ANKFN1: variants seen among roughly 807,000 people sequenced by gnomAD.
ANKFN1 encodes the protein ankyrin repeat and fibronectin type-III domain-containing protein 1.
ANKFN1 carries 74 observed loss-of-function variants against 108.7 expected under a neutral mutation model. That is an observed-to-expected ratio of 0.68 (90% CI 0.56 to 0.83). The LOEUF (loss-of-function observed/expected upper bound fraction) is 0.83, where lower values mean the gene tolerates loss of function less well. Among genes scored for constraint, ANKFN1 ranks in the 40% least tolerant of loss-of-function variants. The pLI is 0.00. For missense variants in ANKFN1, 1,505 were observed against 1,382.3 expected (o/e 1.09, Z -1.41); for synonymous variants, 547 against 516.2 (o/e 1.06, Z -0.81).
chr17:56,072,826 GGT>G (rs1905135870), intron 4 of ANKFN1, among the ~76,000 whole-genome samples: 1 of 152,050 alleles, frequency 6.6e-6, no homozygotes, highest in Admixed American at 6.6e-5. Context: ...GAGAGGAGAA[GGT>G]GGGGAAAGGG....
At chr17:56,395,856 AAAAC>A (rs1319252107) in intron 8 of ANKFN1, among the ~76,000 whole-genome samples, 4 of 152,114 alleles carry the variant, frequency 2.6e-5, no homozygotes, top group African/African-American at 9.7e-5. Context: ...TCAAAAAAGA[AAAAC>A]AAAGGTGGGG....
At chr17:56,194,823 C>G (rs1020900511) in intron 1 of ANKFN1, among the ~76,000 whole-genome samples, 1 of 152,168 alleles carries the variant, frequency 6.6e-6, no homozygotes, top group Admixed American at 6.5e-5. Context: ...GGTGTGTGGG[C>G]AGAGGATATT....
At chr17:56,319,088 G>C (rs946712510) in intron 3 of ANKFN1, among the ~76,000 whole-genome samples, 2 of 152,118 alleles carry the variant, frequency 1.3e-5, no homozygotes, top group Non-Finnish European at 2.9e-5. Context: ...ATAGACAAAG[G>C]AGGAAGAAGA....
intron 4 of ANKFN1, among the ~76,000 whole-genome samples, chr17:56,089,874 T>C (rs373093962): frequency 6.6e-6 from 1 of 151,310 alleles, no homozygotes; most frequent in African/African-American, 2.4e-5. Flanking sequence ...ATGTGCATGA[T>C]AATAACCTTG....
chr17:56,338,666 G>A (rs951546484), intron 4 of ANKFN1, among the ~76,000 whole-genome samples: 1 of 151,706 alleles, frequency 6.6e-6, no homozygotes, highest in Non-Finnish European at 1.5e-5. Context: ...TCAGTTTAAA[G>A]TTGCAAAGAG....
At chr17:56,108,021 C>A (rs11869942) in intron 4 of ANKFN1, among the ~76,000 whole-genome samples, 81,589 of 151,424 alleles carry the variant, frequency 0.54, 22,247 homozygotes, top group East Asian at 0.81. Context: ...GCCACCACAC[C>A]TGGCTAATTT....
intron 10 of ANKFN1, among the ~76,000 whole-genome samples, chr17:56,446,721 T>G (rs956984873): frequency 1.3e-5 from 2 of 151,848 alleles, no homozygotes; most frequent in African/African-American, 4.8e-5. Flanking sequence ...CTGGCCAACA[T>G]GGTGAAACCC....
At chr17:56,094,664 C>T (rs1423242714) in intron 4 of ANKFN1, among the ~76,000 whole-genome samples, 1 of 132,308 alleles carries the variant, frequency 7.6e-6, no homozygotes, top group African/African-American at 2.7e-5. Flanking sequence ...CCACCACGCC[C>T]AGCTAATTGG....
chr17:56,077,342 A>G (rs1905192832), intron 4 of ANKFN1, among the ~76,000 whole-genome samples: 1 of 152,208 alleles, frequency 6.6e-6, no homozygotes, highest in Non-Finnish European at 1.5e-5. Flanking sequence ...CTTGGGTTGC[A>G]GGGCTAGGAT....
At chr17:56,193,377 A>T (rs971040309) in intron 1 of ANKFN1, among the ~76,000 whole-genome samples, 3 of 151,008 alleles carry the variant, frequency 2.0e-5, no homozygotes, top group African/African-American at 7.3e-5. Context: ...CAATGTGCAC[A>T]TGTACCCTAA....
At chr17:56,420,567 A>T (rs1289025742) in intron 8 of ANKFN1, among the ~76,000 whole-genome samples, 1 of 152,162 alleles carries the variant, frequency 6.6e-6, no homozygotes, top group Non-Finnish European at 1.5e-5. Flanking sequence ...CCCTGGATAC[A>T]TCAATAGGAA....
intron 20 of ANKFN1, among the ~76,000 whole-genome samples, chr17:56,501,179 A>T (rs2051355880): frequency 6.6e-6 from 1 of 152,220 alleles, no homozygotes; most frequent in Non-Finnish European, 1.5e-5. Flanking sequence ...CACACAGTGA[A>T]CAAAAGGGCG....
chr17:56,380,432 C>T lies in ANKFN1; in HGVS notation c.910+5718C>T, dbSNP rs1055159190. ...TCACTAGGGAGTGCCAGACAGTGGG[C>T]GCAGGACAGTGGGTGCAGTGCACCG... On this transcript the variant is annotated intron_variant, in intron 8 of 20. Coordinates refer to ENST00000682825, the MANE Select transcript of ANKFN1 (RefSeq NM_001370326.1). Among the ~76,000 whole-genome samples, 24 of 152,242 alleles carry T rather than the reference C, an allele frequency of 1.6e-4. 1 individual carries two copies. The highest frequency in any genetic ancestry group is 3.9e-4 in the Admixed American group (6 of 15,296).
chr17:56,498,852 C>T (rs1487757968), intron 19 of ANKFN1, 30 bp from the exon 20 acceptor site: 1 of 1,507,896 alleles, frequency 6.6e-7, no homozygotes, highest in Non-Finnish European at 8.9e-7. Flanking sequence ...TGCTTGATAA[C>T]TTAGTGTCTT....
chr17:56,111,114 C>T (rs1018209999), intron 4 of ANKFN1: 5 of 152,428 alleles, frequency 3.3e-5, no homozygotes. Flanking sequence ...CCCACTCCCC[C>T]TGCCCCTTAA....
intron 4 of ANKFN1, among the ~76,000 whole-genome samples, chr17:56,115,989 A>AT (rs1313150861): frequency 6.6e-5 from 10 of 152,138 alleles, no homozygotes; most frequent in Non-Finnish European, 1.2e-4. Context: ...CCAAATATGC[A>AT]TTAACTTTTT....
intron 8 of ANKFN1, among the ~76,000 whole-genome samples, chr17:56,402,666 TTTTGTTTG>T (rs199550559): frequency 1.2e-4 from 18 of 151,914 alleles, no homozygotes; most frequent in African/African-American, 2.4e-4. Context: ...TGTTTTGTAT[TTTTGTTTG>T]TTTGTTTGTT....
intron 4 of ANKFN1, among the ~76,000 whole-genome samples, chr17:56,074,725 C>T (rs1053597827): frequency 7.2e-5 from 11 of 152,260 alleles, no homozygotes; most frequent in African/African-American, 2.2e-4. Context: ...ATTTGAAATT[C>T]CCAAGAAAGC....
intron 1 of ANKFN1, among the ~76,000 whole-genome samples, chr17:56,211,559 T>C (rs1232241550): frequency 6.6e-6 from 1 of 152,220 alleles, no homozygotes; most frequent in African/African-American, 2.4e-5. Flanking sequence ...AGACTTGTTC[T>C]TTTTGTTTAG....
Sources: gnomAD v4.1 joint callset for allele counts (sites outside exome capture counted in the v4.1 genomes callset) on GRCh38, gnomAD v4.1.1 for gene constraint, MANE v1.5 for transcripts, NCBI Gene and HGNC (gene_info 2026-07-23, HGNC 2026-07-21) for gene names.